NR3C2: variants seen among roughly 807,000 people sequenced by gnomAD.
The protein encoded by NR3C2 is nuclear receptor subfamily 3 group C member 2.
Under a neutral mutation model 86.4 loss-of-function variants are expected in NR3C2, and 15 were observed. That is an observed-to-expected ratio of 0.17 (90% confidence interval 0.12 to 0.27). NR3C2 has a LOEUF of 0.27. Ranked by LOEUF, NR3C2 falls within the 10% of genes least tolerant of loss-of-function variation. The pLI, the probability that NR3C2 is intolerant of heterozygous loss-of-function variation, is 1.00. For missense variants in NR3C2, 960 were observed against 1,195.6 expected, an observed-to-expected ratio of 0.80 and a Z score of 2.91; for synonymous variants, 458 against 450.5, an observed-to-expected ratio of 1.02 and a Z score of -0.21.
intron 4 of NR3C2, among the ~76,000 whole-genome samples, chr4:148,184,210 G>T (rs747814211): frequency 9.9e-5 from 15 of 152,018 alleles, no homozygotes; most frequent in Non-Finnish European, 2.1e-4. Context: ...CAGCACTTTG[G>T]GAGGACAAGG....
chr4:148,272,640 A>G (rs1167742021), intron 2 of NR3C2, among the ~76,000 whole-genome samples: 3 of 152,222 alleles, frequency 2.0e-5, no homozygotes, highest in African/African-American at 7.2e-5. Context: ...TGTACTTAAA[A>G]ACGATAACTG....
intron 6 of NR3C2, among the ~76,000 whole-genome samples, chr4:148,137,114 T>G (rs1431518999): frequency 6.6e-6 from 1 of 152,138 alleles, no homozygotes; most frequent in African/African-American, 2.4e-5. Context: ...TTTGAACACA[T>G]TCTAACCACA....
intron 2 of NR3C2, among the ~76,000 whole-genome samples, chr4:148,410,957 C>T (rs530431341): frequency 2.6e-5 from 4 of 152,256 alleles, no homozygotes; most frequent in South Asian, 2.1e-4. Flanking sequence ...CTAAACCTTA[C>T]GAGGAAACCT....
At chr4:148,414,123 T>C (rs1281705369) in intron 2 of NR3C2, among the ~76,000 whole-genome samples, 2 of 152,194 alleles carry the variant, frequency 1.3e-5, no homozygotes, top group African/African-American at 2.4e-5. Flanking sequence ...ATAAACTACA[T>C]CTAAATGTAT....
intron 6 of NR3C2, among the ~76,000 whole-genome samples, chr4:148,145,071 A>G (rs1052960562): frequency 2.0e-5 from 3 of 152,206 alleles, no homozygotes; most frequent in Non-Finnish European, 2.9e-5. Flanking sequence ...GGTGTCAGCC[A>G]GTGCCAGGGA....
intron 2 of NR3C2, among the ~76,000 whole-genome samples, chr4:148,309,244 C>T (rs1182284893): frequency 6.6e-6 from 1 of 152,116 alleles, no homozygotes; most frequent in Non-Finnish European, 1.5e-5. Flanking sequence ...AAAAACAATA[C>T]ATGAAATAGA....
At chr4:148,175,297 T>A (rs760003752) in intron 4 of NR3C2, among the ~76,000 whole-genome samples, 3 of 152,312 alleles carry the variant, frequency 2.0e-5, no homozygotes, top group African/African-American at 7.2e-5. Flanking sequence ...CCTGGTGAAC[T>A]GGTGCACAAC....
At chr4:148,263,523 G>A (rs923193758) in intron 2 of NR3C2, among the ~76,000 whole-genome samples, 3 of 152,098 alleles carry the variant, frequency 2.0e-5, no homozygotes, top group Non-Finnish European at 2.9e-5. Flanking sequence ...GACTGCTGAC[G>A]AATCTGAAGA....
At position 148,230,847 on chromosome 4, in the gene NR3C2, G is replaced by A. The variant is rs1433656293; in HGVS notation, c.1897+29131C>T. The stretch of plus-strand genomic sequence containing the variant: ...CTTAGTTCTAAATCCAACAGACCAT[G>A]TGATTTCCTAGTATCACATTATAGG... On this transcript the variant is annotated intron_variant, in intron 3 of 8. Transcript: ENST00000358102. 9.2e-5 allele frequency among the ~76,000 whole-genome samples: 14 copies of A among 152,330 alleles called. No individual in the cohort carries two copies. The East Asian group carries it at 2.7e-3, about 29-fold the overall frequency.
chr4:148,119,195 T>C (rs1171073566), intron 7 of NR3C2, among the ~76,000 whole-genome samples: 1 of 152,158 alleles, frequency 6.6e-6, no homozygotes, highest in African/African-American at 2.4e-5. Context: ...CCAACATAAC[T>C]TGATGCACCT....
chr4:148,232,904 G>T (rs1185183215), intron 3 of NR3C2, among the ~76,000 whole-genome samples: 1 of 152,178 alleles, frequency 6.6e-6, no homozygotes, highest in African/African-American at 2.4e-5. Flanking sequence ...ACCTCTGCAA[G>T]CTTCAAACAT....
chr4:148,241,621 C>T (rs1311794916), intron 3 of NR3C2, among the ~76,000 whole-genome samples: 1 of 152,138 alleles, frequency 6.6e-6, no homozygotes, highest in African/African-American at 2.4e-5. Flanking sequence ...CATTCCCTTG[C>T]ACTTTACCTG....
intron 8 of NR3C2, among the ~76,000 whole-genome samples, chr4:148,086,451 AT>A (rs1366842745): frequency 6.6e-6 from 1 of 152,214 alleles, no homozygotes; most frequent in Non-Finnish European, 1.5e-5. Context: ...AAAACTCCCA[AT>A]AGCTGGGCGC....
intron 2 of NR3C2, among the ~76,000 whole-genome samples, chr4:148,389,458 T>G (rs1445378195): frequency 2.0e-5 from 3 of 152,154 alleles, no homozygotes; most frequent in African/African-American, 4.8e-5. Context: ...CTCTCCTCTT[T>G]CCAGTATATA....
intron 2 of NR3C2, among the ~76,000 whole-genome samples, chr4:148,390,680 A>T (rs1747499867): frequency 6.6e-6 from 1 of 152,176 alleles, no homozygotes. Flanking sequence ...CTGGCATAAG[A>T]CGGTTGATTT....
chr4:148,259,148 C>T (rs894396231), intron 3 of NR3C2, among the ~76,000 whole-genome samples: 3 of 152,166 alleles, frequency 2.0e-5, no homozygotes, highest in African/African-American at 7.2e-5. Flanking sequence ...TCTAAGAAAA[C>T]TTCTCTGAGA....
chr4:148,179,929 A>G (rs1453660664), intron 4 of NR3C2, among the ~76,000 whole-genome samples: 2 of 151,688 alleles, frequency 1.3e-5, no homozygotes, highest in African/African-American at 4.8e-5. Flanking sequence ...TTCTTTCCCA[A>G]CTTTACTGTT....
At chr4:148,135,206 A>G (rs184625920) in intron 6 of NR3C2, among the ~76,000 whole-genome samples, 9 of 152,282 alleles carry the variant, frequency 5.9e-5, no homozygotes, top group Middle Eastern at 6.8e-3. Context: ...TTAATTGTCA[A>G]TGTGCTAGTA....
At chr4:148,289,861 G>A (rs1351561711) in intron 2 of NR3C2, among the ~76,000 whole-genome samples, 1 of 152,046 alleles carries the variant, frequency 6.6e-6, no homozygotes, top group Non-Finnish European at 1.5e-5. Context: ...AGTGGCTCGA[G>A]TGGCAAACAA....
Sources: allele counts gnomAD v4.1 joint callset (sites outside exome capture counted in the v4.1 genomes callset), GRCh38; gene constraint gnomAD v4.1.1; transcripts MANE v1.5; gene names NCBI Gene and HGNC (gene_info 2026-07-23, HGNC 2026-07-21).